Variants in C10orf143 observed in about 807,000 individuals in gnomAD.
The protein encoded by C10orf143 is chromosome 10 open reading frame 143, also known as uncharacterized protein C10orf143.
At chr10:130,057,795 G>A (rs553664871) in intron 3 of C10orf143, among the ~76,000 whole-genome samples, 2 of 152,302 alleles carry the variant, frequency 1.3e-5, no homozygotes, top group Admixed American at 1.3e-4. Flanking sequence ...TTCCAAGAGC[G>A]TCAAATGCAG....
At chr10:130,073,379 G>A (rs1861063551) in intron 3 of C10orf143, among the ~76,000 whole-genome samples, 1 of 152,152 alleles carries the variant, frequency 6.6e-6, no homozygotes. Context: ...CCCTTTTAGG[G>A]TACAATCAGA....
intron 3 of C10orf143, among the ~76,000 whole-genome samples, chr10:130,079,161 GA>G (rs1302626621): frequency 6.6e-6 from 1 of 152,144 alleles, no homozygotes; most frequent in Non-Finnish European, 1.5e-5. Context: ...TGATTTATGT[GA>G]AGTTTATGAT....
chr10:130,057,614 C>T (rs1213169704), intron 3 of C10orf143, among the ~76,000 whole-genome samples: 2 of 145,728 alleles, frequency 1.4e-5, no homozygotes, highest in Non-Finnish European at 3.0e-5. Context: ...GAGACAGCCT[C>T]TCCACGAGGC....
chr10:130,037,759 C>T (rs1229841177), intron 3 of C10orf143, among the ~76,000 whole-genome samples: 2 of 152,236 alleles, frequency 1.3e-5, no homozygotes, highest in Non-Finnish European at 2.9e-5. Flanking sequence ...GGCCTCGTGT[C>T]TGCATGATCC....
At chr10:130,035,502 A>G (rs1369715351) in intron 4 of C10orf143, among the ~76,000 whole-genome samples, 1 of 152,230 alleles carries the variant, frequency 6.6e-6, no homozygotes, top group Non-Finnish European at 1.5e-5. Context: ...ACCCTCTCCT[A>G]AAAGGCTGCA....
At chr10:130,080,640 G>T (rs1031761320) in intron 1 of C10orf143, among the ~76,000 whole-genome samples, 7 of 152,202 alleles carry the variant, frequency 4.6e-5, no homozygotes, top group Admixed American at 2.6e-4. Context: ...CAGCCCAAGA[G>T]GCCCCGCTGC....
chr10:130,107,632 G>A (rs781606212), intron 1 of C10orf143: 4 of 1,335,712 alleles, frequency 3.0e-6, no homozygotes, highest in South Asian at 2.3e-5. Context: ...CATCTGAAAC[G>A]AGAGCTTTTC....
chr10:130,106,891 A>G (rs765817244), intron 1 of C10orf143: 3 of 1,054,258 alleles, frequency 2.8e-6, no homozygotes, highest in Non-Finnish European at 4.5e-6. Context: ...CTAGGCTTAG[A>G]GAAGACGTAA....
rs771337766 is a variant in C10orf143 at position 130,108,300 on chromosome 10, A to G, written c.69+2404T>C. 37 of 1,566,442 alleles carry G rather than the reference A, an allele frequency of 2.4e-5. No individual in the cohort carries two copies. The African/African-American group carries it at 3.8e-4, about 16-fold the overall frequency. The stretch of plus-strand genomic sequence containing the variant: ...GCTCCGTTTGCAATGAGAAATGTCT[A>G]TCCACCGAGGGGTTTTCCTCCTTAC... On this transcript the variant is annotated intron_variant, in intron 1 of 3. Coordinates refer to ENST00000637128, the MANE Select transcript of C10orf143 (RefSeq NM_001355042.2).
rs1420552305 is a variant in C10orf143, at chr10:130,079,473, A to G, written c.297+93T>C. The G allele has an allele frequency of 7.5e-6, 3 of 398,118 alleles. No homozygotes were observed. In the Admixed American group the frequency reaches 1.3e-4, roughly 18 times the overall value. The allele number at this position is 398,118 out of a possible 1,614,324, so 24.7% of individuals were successfully genotyped here. On this transcript the variant is annotated intron_variant, in intron 3 of 3. Transcript: ENST00000637128. The stretch of plus-strand genomic sequence containing the variant: ...TTTATGTTCCTCATTCTTCAGAAAC[A>G]TAATTGCAGTTTTTATTAACTTTGT...
chr10:130,104,475 A>G (rs1334885032), intron 1 of C10orf143: 1 of 152,248 alleles, frequency 6.6e-6, no homozygotes, highest in Non-Finnish European at 1.5e-5. Flanking sequence ...CTGGGAACAG[A>G]AGTAAGAAAC....
intron 1 of C10orf143, among the ~76,000 whole-genome samples, chr10:130,082,204 G>T (rs965011377): frequency 6.6e-6 from 1 of 151,654 alleles, no homozygotes; most frequent in African/African-American, 2.4e-5. Flanking sequence ...TAGAGATGAG[G>T]TCTCACTATG....
intron 1 of C10orf143, 92 bp downstream of exon 1, chr10:130,110,612 C>T (rs888718025): frequency 7.5e-6 from 3 of 398,152 alleles, no homozygotes; most frequent in African/African-American, 4.1e-5. Context: ...TCCTCACAGG[C>T]AGGGCCGCGC....
At chr10:130,049,026 A>G (rs1271623289) in intron 3 of C10orf143, among the ~76,000 whole-genome samples, 2 of 151,990 alleles carry the variant, frequency 1.3e-5, no homozygotes, top group Non-Finnish European at 2.9e-5. Flanking sequence ...ATATAACCAA[A>G]TGCAGACGCT....
intron 3 of C10orf143, among the ~76,000 whole-genome samples, chr10:130,053,440 A>G (rs980949149): frequency 3.3e-5 from 5 of 152,244 alleles, no homozygotes; most frequent in African/African-American, 1.2e-4. Context: ...ATGTTTTTTA[A>G]GCCGCTAAAA....
chr10:130,041,693 A>C (rs1016506360), intron 3 of C10orf143, among the ~76,000 whole-genome samples: 1 of 152,230 alleles, frequency 6.6e-6, no homozygotes, highest in African/African-American at 2.4e-5. Context: ...GTAGCAACAC[A>C]TGGCTTTTAA....
chr10:130,101,865 C>CAAAAAAAAAAAAAAAAAAA (rs1267433489), intron 1 of C10orf143, among the ~76,000 whole-genome samples: 2 of 47,740 alleles, frequency 4.2e-5, no homozygotes, highest in African/African-American at 1.3e-4. Context: ...AAAAAAAAAC[C>CAAAAAAAAAAAAAAAAAAA]AAAAAAAAAA....
At chr10:130,101,853 AAAAAAAAAAACC>A (rs1202038428) in intron 1 of C10orf143, among the ~76,000 whole-genome samples, 14 of 29,084 alleles carry the variant, frequency 4.8e-4, no homozygotes, top group African/African-American at 8.9e-4. Context: ...CTGTCTCAAA[AAAAAAAAAAACC>A]AAAAAAAAAA....
In C10orf143 at chr10:130,056,685, G is replaced by A. The variant is rs944138345; in HGVS notation, c.298-20715C>T. Reference sequence around the variant, plus strand: ...TGGCTCACTGCAAGCTCCGCCTCCTGGGTTCATGCCATTCTCCTGCCTCAG... The same window carrying A: ...TGGCTCACTGCAAGCTCCGCCTCCTAGGTTCATGCCATTCTCCTGCCTCAG... On this transcript the variant is annotated intron_variant and NMD_transcript_variant, in intron 3 of 5. Coordinates refer to the C10orf143 transcript ENST00000643056. This position sits in a 1 kb window ranked among gnomAD's most constrained non-coding sequence, Gnocchi z 4.6. Among the ~76,000 whole-genome samples, 1 of 152,104 alleles carries A rather than the reference G, an allele frequency of 6.6e-6. No individual in the cohort carries two copies. The highest frequency in any genetic ancestry group is 2.4e-5 in the African/African-American group (1 of 41,402).
Sources: gnomAD v4.1 joint callset for allele counts (sites outside exome capture counted in the v4.1 genomes callset) on GRCh38, gnomAD v4.1.1 for gene constraint, Gnocchi (gnomAD v3.1) non-coding constraint, MANE v1.5 for transcripts, NCBI Gene and HGNC (gene_info 2026-07-23, HGNC 2026-07-21) for gene names.